CALCR: variants seen among roughly 807,000 people sequenced by gnomAD.
CALCR encodes the protein calcitonin receptor.
Under a neutral mutation model 59.5 loss-of-function variants are expected in CALCR, and 47 were observed. The ratio of observed to expected loss-of-function variants is 0.79; its 90% confidence interval spans 0.63 to 1.01. The LOEUF (loss-of-function observed/expected upper bound fraction) is 1.01, where lower values mean the gene tolerates loss of function less well. CALCR is among the 50% of genes least tolerant of loss of function. The pLI is 0.00. For synonymous variants in CALCR, 213 were observed against 211.3 expected, an observed-to-expected ratio of 1.01 and a Z score of -0.07; for missense variants, 566 against 597.1, an observed-to-expected ratio of 0.95 and a Z score of 0.54.
At chr7:93,496,966 C>T (rs1334737696) in intron 2 of CALCR, among the ~76,000 whole-genome samples, 2 of 151,500 alleles carry the variant, frequency 1.3e-5, no homozygotes, top group Non-Finnish European at 3.0e-5. Context: ...ATTACAGGAA[C>T]TAACTTGCCA....
chr7:93,455,412 CTCTTCT>C (rs910771987), intron 8 of CALCR, among the ~76,000 whole-genome samples: 1 of 150,946 alleles, frequency 6.6e-6, no homozygotes, highest in African/African-American at 2.4e-5. Context: ...TTTTCTTTGT[CTCTTCT>C]TCTTCTTCTT....
chr7:93,479,103 A>G (rs1800735771), intron 4 of CALCR, among the ~76,000 whole-genome samples: 1 of 151,780 alleles, frequency 6.6e-6, no homozygotes, highest in African/African-American at 2.4e-5. Context: ...CCGGCTCACC[A>G]GGTGTGAATA....
chr7:93,458,995 A>G (rs1226540039), intron 8 of CALCR, among the ~76,000 whole-genome samples: 1 of 152,214 alleles, frequency 6.6e-6, no homozygotes, highest in Non-Finnish European at 1.5e-5. Context: ...AAATTAAGGA[A>G]AGCAGGTTTG....
intron 2 of CALCR, among the ~76,000 whole-genome samples, chr7:93,549,362 G>A (rs1408896066): frequency 6.6e-6 from 1 of 152,070 alleles, no homozygotes; most frequent in African/African-American, 2.4e-5. Context: ...CTCAACTAGG[G>A]AAGGTAGAGA....
chr7:93,428,858 T>G (rs1195523606), intron 13 of CALCR, among the ~76,000 whole-genome samples: 1 of 151,870 alleles, frequency 6.6e-6, no homozygotes, highest in Non-Finnish European at 1.5e-5. Context: ...AAGATTATCC[T>G]TGTAGCTGAA....
chr7:93,531,142 T>C (rs1490749334), intron 2 of CALCR, among the ~76,000 whole-genome samples: 1 of 152,116 alleles, frequency 6.6e-6, no homozygotes, highest in Non-Finnish European at 1.5e-5. Context: ...TATAAAATAT[T>C]ATTTGACCAT....
chr7:93,555,629 T>A (rs1789579892), intron 2 of CALCR, among the ~76,000 whole-genome samples: 1 of 152,176 alleles, frequency 6.6e-6, no homozygotes, highest in South Asian at 2.1e-4. Context: ...TGGGAAACAT[T>A]GAATTCCAAA....
At chr7:93,561,503 G>A (rs1789747270) in intron 2 of CALCR, among the ~76,000 whole-genome samples, 1 of 151,956 alleles carries the variant, frequency 6.6e-6, no homozygotes, top group Non-Finnish European at 1.5e-5. Flanking sequence ...GTGTGAGGCA[G>A]GGGACATAGG....
At position 93,436,149 on chromosome 7, in the gene CALCR, T is replaced by C; in HGVS notation, c.952A>G (p.Asn318Asp). 3 of 1,614,094 alleles carry C rather than the reference T, an allele frequency of 1.9e-6. No individual in the cohort carries two copies. Among genetic ancestry groups the C allele is most frequent in the Non-Finnish European group, 2.5e-6 (3 of 1,179,944 alleles). ...ALVVNFFFLL[N>D]IVRVLVTKMR... ...TTGGTCACAAGCACCCGGACAATGT[T>C]GAGCAAAAAGAAGAAATTGACCTGC... is the stretch of plus-strand genomic sequence containing the variant. The change falls in exon 12 of 14, where the codon AAC (asparagine) becomes GAC (aspartate). Residue 318 changes from asparagine (N) to aspartate (D), a missense_variant. Asn to Asp is a conservative substitution (Grantham distance 23). Transcript: ENST00000426151.
At chr7:93,498,362 G>T (rs578025401) in intron 2 of CALCR, among the ~76,000 whole-genome samples, 25 of 151,684 alleles carry the variant, frequency 1.6e-4, no homozygotes, top group African/African-American at 4.6e-4. Flanking sequence ...TAGAGAAATG[G>T]TTCAGAATTG....
intron 13 of CALCR, among the ~76,000 whole-genome samples, chr7:93,432,051 A>G (rs768921454): frequency 1.1e-4 from 16 of 152,126 alleles, no homozygotes; most frequent in Non-Finnish European, 2.4e-4. Context: ...CCTGATTTCT[A>G]TTACTTTAAT....
chr7:93,437,033 TTTAGTTTTGAAATGCACTAATGTGCA>T (rs1230322147), intron 11 of CALCR, among the ~76,000 whole-genome samples: 2 of 151,836 alleles, frequency 1.3e-5, no homozygotes, highest in African/African-American at 4.8e-5. Context: ...AATCTTTTTT[TTTAGTTTTGAAATGCACTAATGTGCA>T]TTTCCTTTAG....
intron 2 of CALCR, among the ~76,000 whole-genome samples, chr7:93,488,966 TCTC>T (rs1407894586): frequency 6.6e-6 from 1 of 151,910 alleles, no homozygotes; most frequent in East Asian, 1.9e-4. Flanking sequence ...TATACATTCT[TCTC>T]AGTACCACAT....
intron 2 of CALCR, among the ~76,000 whole-genome samples, chr7:93,501,448 T>TA (rs1310986064): frequency 6.6e-6 from 1 of 152,056 alleles, no homozygotes; most frequent in Non-Finnish European, 1.5e-5. Context: ...TTACAGCACA[T>TA]AAAACAAGGT....
chr7:93,536,898 G>A (rs570170931), intron 2 of CALCR, among the ~76,000 whole-genome samples: 7 of 151,814 alleles, frequency 4.6e-5, no homozygotes, highest in African/African-American at 9.6e-5. Flanking sequence ...CTGTAGTTAC[G>A]TAAAAGAATA....
chr7:93,466,413 G>A (rs893113606), intron 7 of CALCR, among the ~76,000 whole-genome samples: 1 of 151,800 alleles, frequency 6.6e-6, no homozygotes, highest in Admixed American at 6.6e-5. Context: ...TAAAGGGTTA[G>A]GATCATACTT....
chr7:93,529,502 T>C (rs1469968309), intron 2 of CALCR, among the ~76,000 whole-genome samples: 5 of 152,224 alleles, frequency 3.3e-5, no homozygotes, highest in Non-Finnish European at 5.9e-5. Flanking sequence ...CTAATACATA[T>C]ATATTTCATT....
At chr7:93,531,348 C>T (rs1788829720) in intron 2 of CALCR, among the ~76,000 whole-genome samples, 1 of 152,014 alleles carries the variant, frequency 6.6e-6, no homozygotes, top group Non-Finnish European at 1.5e-5. Flanking sequence ...TTACTAAAGT[C>T]TTTGCATACC....
chr7:93,448,115 C>G (rs1307591677), intron 8 of CALCR, among the ~76,000 whole-genome samples: 2 of 151,950 alleles, frequency 1.3e-5, no homozygotes, highest in South Asian at 2.1e-4. Context: ...CAAGGCCAAG[C>G]CTGTGCATAT....
Sources: allele counts gnomAD v4.1 joint callset (sites outside exome capture counted in the v4.1 genomes callset), GRCh38; gene constraint gnomAD v4.1.1; transcripts MANE v1.5; gene names NCBI Gene and HGNC (gene_info 2026-07-23, HGNC 2026-07-21).